NUP155: variants seen among roughly 807,000 people sequenced by gnomAD.
NUP155 encodes nucleoporin 155.
In NUP155, 71 loss-of-function variants were observed where a neutral mutation model predicts 180.4. The ratio of observed to expected loss-of-function variants is 0.39; its 90% CI spans 0.33 to 0.48. The LOEUF (loss-of-function observed/expected upper bound fraction) is 0.48. NUP155 is among the 20% of genes least tolerant of loss of function. The probability of loss-of-function intolerance (pLI) is 0.91; values close to 1 mark genes in which losing one functional copy is unlikely to be tolerated. For synonymous variants in NUP155, 582 were observed against 559.5 expected (o/e 1.04, Z -0.57); for missense variants, 1,553 against 1,648.9 (o/e 0.94, Z 1.01).
rs1207109216 is a variant in NUP155 at position 37,292,735 on chromosome 5, T to C, written c.4037+144A>G. The stretch of plus-strand genomic sequence containing the variant: ...TTGAAAATGGAAAAAACTCCTATTT[T>C]TCATACATGGTGATCAATATCATTC... On this transcript the variant is annotated intron_variant, in intron 34 of 34. Coordinates refer to ENST00000231498, the MANE Select transcript of NUP155 (RefSeq NM_153485.3). The C allele has an allele frequency of 4.8e-6, 3 of 630,548 alleles. No individual in the cohort carries two copies. In the East Asian group the frequency reaches 8.3e-5, roughly 17 times the overall value. The allele number at this position is 630,548 out of a possible 1,614,324, so 39.1% of individuals were successfully genotyped here.
intron 10 of NUP155, chr5:37,342,253 C>T (rs1421458955): frequency 3.8e-5 from 11 of 287,244 alleles, no homozygotes; most frequent in Non-Finnish European, 6.6e-5. Context: ...CACCATGTTG[C>T]TCAGGTTAGT....
intron 12 of NUP155, among the ~76,000 whole-genome samples, chr5:37,334,204 T>G (rs216375): frequency 2.0e-5 from 3 of 151,434 alleles, no homozygotes; most frequent in African/African-American, 7.3e-5. Flanking sequence ...CTGGGTTCAG[T>G]TGATTCTCCC....
intron 18 of NUP155, 44 bp downstream of exon 18, chr5:37,327,585 T>C (rs762649689): frequency 5.0e-6 from 8 of 1,609,166 alleles, no homozygotes; most frequent in Non-Finnish European, 6.0e-6. Flanking sequence ...CTACTCAAGA[T>C]GGGACAAGGT....
intron 21 of NUP155, among the ~76,000 whole-genome samples, chr5:37,315,370 TG>T (rs1473444221): frequency 6.6e-6 from 1 of 152,248 alleles, no homozygotes; most frequent in African/African-American, 2.4e-5. Flanking sequence ...AACTTGTATC[TG>T]GAATAACTGA....
chr5:37,303,037 A>T, intron 28 of NUP155, 129 bp from the exon 29 acceptor site: 3 of 1,146,390 alleles, frequency 2.6e-6, no homozygotes, highest in Non-Finnish European at 3.7e-6. Context: ...AAAAAAAATC[A>T]TTAGATTTAA....
chr5:37,368,940 T>C (rs1479049470), intron 1 of NUP155, among the ~76,000 whole-genome samples: 6 of 152,086 alleles, frequency 3.9e-5, no homozygotes, highest in Non-Finnish European at 8.8e-5. Context: ...TCGATAACTT[T>C]AGTGAGGATG....
chr5:37,302,888 T>C lies in NUP155; in HGVS notation c.3338A>G (p.Gln1113Arg), dbSNP rs746543767. 6 of 1,614,138 alleles carry C rather than the reference T, an allele frequency of 3.7e-6. No individual in the cohort carries two copies. The highest frequency in any genetic ancestry group is 5.1e-6 in the Non-Finnish European group (6 of 1,180,004). The change falls in exon 29 of 35, where the codon CAG becomes CGG. Residue 1113 changes from glutamine to arginine, a missense_variant. Coordinates refer to ENST00000231498, the MANE Select transcript of NUP155 (RefSeq NM_153485.3). The stretch of plus-strand genomic sequence containing the variant: ...GGCTCGAGCAATGTACTCTAGTCGC[T>C]GCTGAAGTGAAATTTCTGTGCTAGA... ...DMHSTEISLQ[Q>R]RLEYIARAIL... is the part of the protein sequence containing the mutation.
At chr5:37,370,711 G>A in intron 1 of NUP155, 110 bp downstream of exon 1, 1 of 1,611,152 alleles carries the variant, frequency 6.2e-7, no homozygotes, top group South Asian at 1.1e-5. Flanking sequence ...AGCCAACAGT[G>A]CCATAAATCT....
intron 32 of NUP155, among the ~76,000 whole-genome samples, chr5:37,295,920 T>G: frequency 7.7e-6 from 1 of 129,834 alleles, no homozygotes; most frequent in African/African-American, 3.1e-5. Flanking sequence ...GTCCGGGAGG[T>G]GAGGGGCGCC....
chr5:37,325,070 G>A (rs775043939), intron 19 of NUP155, among the ~76,000 whole-genome samples: 2 of 152,134 alleles, frequency 1.3e-5, no homozygotes, highest in Non-Finnish European at 2.9e-5. Flanking sequence ...AGAATCGCTT[G>A]AACCCAGGAG....
intron 3 of NUP155, among the ~76,000 whole-genome samples, chr5:37,360,916 G>A (rs1316037973): frequency 2.6e-5 from 4 of 152,042 alleles, no homozygotes; most frequent in African/African-American, 9.7e-5. Context: ...CCAAAATGAG[G>A]TATATAACAA....
intron 1 of NUP155, among the ~76,000 whole-genome samples, chr5:37,366,950 G>A (rs1019001558): frequency 4.6e-5 from 7 of 152,134 alleles, no homozygotes; most frequent in Admixed American, 1.3e-4. Context: ...GTGCCCGGCC[G>A]GTCTCAATCT....
At chr5:37,355,909 TCTC>T (rs1393340007) in intron 4 of NUP155, among the ~76,000 whole-genome samples, 5 of 151,480 alleles carry the variant, frequency 3.3e-5, no homozygotes, top group African/African-American at 1.2e-4. Context: ...ATCAATCAAT[TCTC>T]CTTCCTAGTA....
intron 33 of NUP155, 176 bp from the exon 34 acceptor site, chr5:37,293,161 T>C: frequency 1.7e-6 from 1 of 573,836 alleles, no homozygotes; most frequent in Non-Finnish European, 3.1e-6. Context: ...TCAAACAACA[T>C]TAAAAACTTA....
intron 10 of NUP155, chr5:37,342,328 T>C (rs889161479): frequency 4.3e-6 from 2 of 462,198 alleles, no homozygotes; most frequent in African/African-American, 4.0e-5. Context: ...ATTACAAATG[T>C]GAGCTACCAT....
chr5:37,365,238 G>A (rs1472166726), intron 1 of NUP155, among the ~76,000 whole-genome samples: 8 of 150,902 alleles, frequency 5.3e-5, no homozygotes, highest in South Asian at 2.1e-4. Flanking sequence ...CAGCCTGAGC[G>A]ACAGGGCAAG....
chr5:37,360,639 A>G (rs1204660616), intron 3 of NUP155, among the ~76,000 whole-genome samples: 1 of 151,286 alleles, frequency 6.6e-6, no homozygotes, highest in Non-Finnish European at 1.5e-5. Flanking sequence ...TACAAAAATT[A>G]GCCGGGTGTG....
chr5:37,318,461 A>G (rs1744043479), intron 20 of NUP155, among the ~76,000 whole-genome samples: 1 of 151,890 alleles, frequency 6.6e-6, no homozygotes, highest in Admixed American at 6.6e-5. Context: ...GACAGAAGAA[A>G]CATAGATTGA....
chr5:37,324,235 C>T (rs776218668), intron 19 of NUP155, 128 bp from the exon 20 acceptor site: 34 of 689,760 alleles, frequency 4.9e-5, no homozygotes, highest in South Asian at 1.6e-4. Context: ...CCTGTTGATC[C>T]GAATAAAGTA....
Sources: allele counts gnomAD v4.1 joint callset (sites outside exome capture counted in the v4.1 genomes callset), GRCh38; gene constraint gnomAD v4.1.1; transcripts MANE v1.5; gene names NCBI Gene and HGNC (gene_info 2026-07-23, HGNC 2026-07-21).